CATSPER3: variants seen among roughly 807,000 people sequenced by gnomAD.
CATSPER3 encodes cation channel sperm associated 3, also known as cation channel sperm-associated protein 3.
A neutral mutation model predicts 36.6 loss-of-function variants in CATSPER3; 23 were observed. The observed-to-expected ratio is 0.63, with a 90% CI of 0.45 to 0.89. The LOEUF (loss-of-function observed/expected upper bound fraction) is 0.89, where lower values mean the gene tolerates loss of function less well. Ranked by LOEUF, CATSPER3 falls within the 40% of genes least tolerant of loss-of-function variation. CATSPER3 has a pLI of 0.00. For synonymous variants in CATSPER3, 172 were observed against 184.1 expected (o/e 0.93, Z 0.53); for missense variants, 474 against 503.9 (o/e 0.94, Z 0.57).
intron 3 of CATSPER3, among the ~76,000 whole-genome samples, chr5:135,002,781 C>T (rs972420649): frequency 2.6e-5 from 4 of 152,190 alleles, no homozygotes; most frequent in African/African-American, 7.2e-5. Context: ...GCGTAGTTCT[C>T]GTACCATGGT....
chr5:134,991,699 T>C (rs981390208), intron 2 of CATSPER3, among the ~76,000 whole-genome samples: 1 of 152,110 alleles, frequency 6.6e-6, no homozygotes, highest in South Asian at 2.1e-4. Context: ...GAAGAAAACA[T>C]AGGGGTAAAT....
chr5:135,009,375 C>T lies in CATSPER3; in HGVS notation c.821C>T (p.Ser274Phe). 6.2e-7 allele frequency: 1 copy of T among 1,613,218 alleles called. No individual in the cohort carries two copies. The change falls in exon 6 of 8, where the codon TCC becomes TTC. Residue 274 changes from serine (S) to phenylalanine (F), a missense_variant. Ser to Phe is a radical substitution (Grantham distance 155). Coordinates refer to ENST00000282611, the MANE Select transcript of CATSPER3 (RefSeq NM_178019.3). ...VGVMIMHTED[S>F]IRKFERELML... is the part of the protein sequence containing the mutation. ...CTCCATCGTCTGACTCTCTAGGACT[C>T]CATCAGAAAGTTTGAGCGAGAGCTG...
chr5:134,969,928 CT>C lies in CATSPER3; in HGVS notation c.99-6del, dbSNP rs750206641. The C allele has an allele frequency of 3.3e-5, 54 of 1,613,924 alleles. No individual in the cohort carries two copies. Among genetic ancestry groups the C allele is most frequent in the Non-Finnish European group, 1.7e-6 (2 of 1,179,988 alleles). ...TGCTGTAACCATACTTCACATTCAA[CT>C]TTTTGACAGGAGGAACGATGATGAA... On this transcript the variant is annotated splice_polypyrimidine_tract_variant and intron_variant, in intron 1 of 7. Coordinates refer to ENST00000282611, the MANE Select transcript of CATSPER3 (RefSeq NM_178019.3).
chr5:134,984,940 T>A (rs1472964987), intron 2 of CATSPER3, among the ~76,000 whole-genome samples: 1 of 152,172 alleles, frequency 6.6e-6, no homozygotes, highest in African/African-American at 2.4e-5. Context: ...CGCCTCAGCT[T>A]CCCGAGTAGC....
intron 3 of CATSPER3, 83 bp from the exon 4 acceptor site, chr5:135,007,874 G>A (rs1561465026): frequency 2.7e-5 from 30 of 1,125,194 alleles, no homozygotes; most frequent in Non-Finnish European, 4.0e-5. Context: ...GGACAGCTGT[G>A]AACTGGGCAG....
chr5:134,985,745 TA>T (rs879499616), intron 2 of CATSPER3, among the ~76,000 whole-genome samples: 177 of 141,690 alleles, frequency 1.2e-3, no homozygotes, highest in Middle Eastern at 7.6e-3. Context: ...CCCCATCTAT[TA>T]AAAAAAAAAA....
Position 134,969,997 on chromosome 5 carries a change from A to T in CATSPER3, c.157A>T (p.Lys53Ter). The change falls in exon 2 of 8, where the codon AAG becomes TAG. Residue 53 changes from lysine (K) to a stop codon, truncating the protein, a stop_gained. Coordinates refer to ENST00000282611, the MANE Select transcript of CATSPER3 (RefSeq NM_178019.3). LOFTEE classifies it high-confidence loss of function. ...VKRVIMSRFF[K>*]IIMISTVTSN... The stretch of plus-strand genomic sequence containing the variant: ...GAGAGTCATAATGAGCCGTTTCTTT[A>T]AGATAATTATGATTAGCACTGTCAC... 1 of 1,614,048 alleles carries T rather than the reference A, an allele frequency of 6.2e-7. No individual in the cohort carries two copies.
intron 4 of CATSPER3, 23 bp downstream of exon 4, chr5:135,008,162 T>C (rs1317567222): frequency 6.2e-7 from 1 of 1,604,600 alleles, no homozygotes; most frequent in African/African-American, 1.3e-5. Flanking sequence ...GGAACAGTGG[T>C]GAGGGCAGGG....
In CATSPER3 at chr5:135,007,202, C is replaced by T. The variant is rs111749797; in HGVS notation, c.493-755C>T. On this transcript the variant is annotated intron_variant, in intron 3 of 7. Transcript: ENST00000282611. ...CTCTGCCATTGTATTGGAGTGTGAC[C>T]CTGGCCAAGACAATTTGCTTCTTTG... Among the ~76,000 whole-genome samples, 1,114 of 152,270 alleles carry T rather than the reference C, an allele frequency of 7.3e-3. 19 individuals carry two copies. The highest frequency in any genetic ancestry group is 0.026 in the African/African-American group (1,062 of 41,542).
At chr5:134,979,975 T>TTCCCTCCCTCCTTTCCTACCCG in intron 2 of CATSPER3, among the ~76,000 whole-genome samples, 1 of 101,998 alleles carries the variant, frequency 9.8e-6, no homozygotes. Context: ...TTTCCTACCC[T>TTCCCTCCCTCCTTTCCTACCCG]TCCCTCCTTT....
intron 3 of CATSPER3, 22 bp downstream of exon 3, chr5:134,996,534 T>C: frequency 2.5e-6 from 4 of 1,612,902 alleles, no homozygotes; most frequent in Non-Finnish European, 3.4e-6. Context: ...GGGGGTGTCA[T>C]GGTGCTGGGA....
chr5:135,007,972 G>T lies in CATSPER3; in HGVS notation c.508G>T (p.Val170Leu). ...TGCCTTGCAGACGCTGATCACCGCC[G>T]TGGGGCAGACAGTCTACACCGTGGC... Reference protein sequence around the residue: ...SQGIRTLITAVGQTVYTVASV... With the variant: ...SQGIRTLITALGQTVYTVASV... Residue 170 changes from valine to leucine, a missense_variant, in exon 4 of 8, where the codon GTG becomes TTG. By Grantham distance (32) the Val-to-Leu change is conservative. Transcript: ENST00000282611. 1.9e-6 allele frequency: 3 copies of T among 1,614,040 alleles called. No individual in the cohort carries two copies. The highest frequency in any genetic ancestry group is 2.5e-6 in the Non-Finnish European group (3 of 1,180,008).
intron 2 of CATSPER3, among the ~76,000 whole-genome samples, chr5:134,982,615 T>G (rs1751763460): frequency 6.6e-6 from 1 of 152,090 alleles, no homozygotes; most frequent in Non-Finnish European, 1.5e-5. Flanking sequence ...CCTTCAAAAA[T>G]GAAGGGGAAA....
chr5:134,979,685 G>A (rs1283429494), intron 2 of CATSPER3, among the ~76,000 whole-genome samples: 1 of 152,228 alleles, frequency 6.6e-6, no homozygotes, highest in Non-Finnish European at 1.5e-5. Flanking sequence ...CTTTGGATAA[G>A]TAGGACATTG....
At chr5:135,007,587 A>G (rs1176401412) in intron 3 of CATSPER3, among the ~76,000 whole-genome samples, 1 of 152,172 alleles carries the variant, frequency 6.6e-6, no homozygotes, top group Non-Finnish European at 1.5e-5. Flanking sequence ...GAGAGCATTC[A>G]GGGCTGGCCC....
In CATSPER3 at chr5:134,980,807, G is replaced by A. The variant is rs116356303; in HGVS notation, c.252+10715G>A. Among the ~76,000 whole-genome samples, 780 of 152,146 alleles carry A rather than the reference G, an allele frequency of 5.1e-3. 6 individuals are homozygous for A. Among genetic ancestry groups the A allele is most frequent in the African/African-American group, 0.018 (745 of 41,518 alleles). ...CAGTGACATGATTATAGCTCAATCAGCCTTAAACCCTTGGACTCAAAAGAT... is the reference window on the plus strand; with the variant it reads ...CAGTGACATGATTATAGCTCAATCAACCTTAAACCCTTGGACTCAAAAGAT... On this transcript the variant is annotated intron_variant, in intron 2 of 7. Coordinates refer to ENST00000282611, the MANE Select transcript of CATSPER3 (RefSeq NM_178019.3).
rs754920925 is a variant in CATSPER3, at chr5:135,011,657, G to A, written c.*34G>A. ...GGGGCACCCATGTGCCGAGAGCCTT[G>A]CAGACCATGACAGGTCCCTATTAAA... is the stretch of plus-strand genomic sequence containing the variant. On this transcript the variant is annotated 3_prime_UTR_variant, in exon 8 of 8. Coordinates refer to ENST00000282611, the MANE Select transcript of CATSPER3 (RefSeq NM_178019.3). 2.5e-5 allele frequency: 37 copies of A among 1,455,020 alleles called. No individual in the cohort carries two copies. The highest frequency in any genetic ancestry group is 3.3e-5 in the Non-Finnish European group (34 of 1,038,848). 90.1% of individuals were successfully genotyped at this position (1,455,020 alleles called of 1,614,324 possible). A position where few individuals can be genotyped will look rare whatever the true frequency, so the allele number is the denominator to read the frequency against.
At position 135,010,469 on chromosome 5, in the gene CATSPER3, A is replaced by C. The variant is rs749967219; in HGVS notation, c.1033A>C (p.Ser345Arg). ...AATGGTCTTGGATGATTTTGGCACT[A>C]GCTTACCCTTCATCGATATCTACTT... ...DPMVLDDFGT[S>R]LPFIDIYFST... The change falls in exon 7 of 8, where the codon AGC becomes CGC. Residue 345 changes from serine (S) to arginine (R), a missense_variant. Coordinates refer to ENST00000282611, the MANE Select transcript of CATSPER3 (RefSeq NM_178019.3). 2.5e-6 allele frequency: 4 copies of C among 1,614,004 alleles called. No homozygotes were observed. Among genetic ancestry groups the C allele is most frequent in the South Asian group, 1.1e-5 (1 of 91,082 alleles).
intron 2 of CATSPER3, among the ~76,000 whole-genome samples, chr5:134,980,778 G>A (rs1326556816): frequency 1.3e-5 from 2 of 151,942 alleles, no homozygotes; most frequent in Non-Finnish European, 2.9e-5. Context: ...CCTGGGCTTG[G>A]GTGCAGTGAC....
Sources: allele counts gnomAD v4.1 joint callset (sites outside exome capture counted in the v4.1 genomes callset), GRCh38; gene constraint gnomAD v4.1.1; transcripts MANE v1.5; gene names NCBI Gene and HGNC (gene_info 2026-07-23, HGNC 2026-07-21).